SLIT1: variants seen among roughly 807,000 people sequenced by gnomAD.
The protein encoded by SLIT1 is slit homolog 1 protein.
Under a neutral mutation model 186.1 loss-of-function variants are expected in SLIT1, and 66 were observed. The observed-to-expected ratio is 0.35, with a 90% confidence interval of 0.29 to 0.44. The LOEUF is 0.44. Ranked by LOEUF, SLIT1 falls within the 20% of genes least tolerant of loss-of-function variation. SLIT1 has a pLI of 1.00. For missense variants in SLIT1, 1,638 were observed against 2,037.4 expected (o/e 0.80, Z 3.77); for synonymous variants, 761 against 833.8 (o/e 0.91, Z 1.50).
In SLIT1 at chr10:97,021,173, G is replaced by T; in HGVS notation, c.2746+77C>A. ...CCCAGCGGTCACCACAGGGACGCAG[G>T]CATGTTAGGAAGGCCCTGCAGTGTT... On this transcript the variant is annotated intron_variant, in intron 26 of 36. Coordinates refer to ENST00000266058, the MANE Select transcript of SLIT1 (RefSeq NM_003061.3). This position sits in a 1 kb window ranked among gnomAD's most constrained non-coding sequence, Gnocchi z 4.5. 6.9e-7 allele frequency: 1 copy of T among 1,440,808 alleles called. No individual in the cohort carries two copies. Among genetic ancestry groups the T allele is most frequent in the Non-Finnish European group, 9.5e-7 (1 of 1,054,862 alleles). The allele number at this position is 1,440,808 out of a possible 1,614,324, so 89.3% of individuals were successfully genotyped here.
intron 4 of SLIT1, among the ~76,000 whole-genome samples, chr10:97,070,083 G>T (rs956972175): frequency 1.3e-5 from 2 of 152,182 alleles, no homozygotes; most frequent in Non-Finnish European, 1.5e-5. Flanking sequence ...GCCAGCCTGT[G>T]AGCCAGCCAT....
At chr10:97,077,193 A>G (rs1187860627) in intron 4 of SLIT1, among the ~76,000 whole-genome samples, 1 of 152,072 alleles carries the variant, frequency 6.6e-6, no homozygotes, top group Non-Finnish European at 1.5e-5. Context: ...TTTGAGCCTA[A>G]GAGTTCAAGG....
chr10:97,059,959 G>A, intron 10 of SLIT1, 128 bp downstream of exon 10: 1 of 803,022 alleles, frequency 1.2e-6, no homozygotes, highest in Middle Eastern at 3.2e-4. Flanking sequence ...GGGCAGGAAG[G>A]TCAGGTGGCT....
intron 4 of SLIT1, among the ~76,000 whole-genome samples, chr10:97,152,258 GA>G (rs200051608): frequency 4.7e-5 from 7 of 150,422 alleles, no homozygotes; most frequent in East Asian, 3.9e-4. Context: ...AGCCCCTCGA[GA>G]AAAAAAAACA....
chr10:97,041,019 A>G (rs1178463155), intron 20 of SLIT1, among the ~76,000 whole-genome samples: 1 of 152,210 alleles, frequency 6.6e-6, no homozygotes. Context: ...TGGAGCAATG[A>G]GGAAACTAAA....
intron 25 of SLIT1, among the ~76,000 whole-genome samples, chr10:97,024,969 TA>T (rs924980777): frequency 1.3e-5 from 2 of 151,918 alleles, no homozygotes; most frequent in Non-Finnish European, 2.9e-5. Context: ...CTCTCCATCA[TA>T]AAAAAAATAT....
In SLIT1 at chr10:97,048,998, G is replaced by T; in HGVS notation, c.1422C>A (p.Asn474Lys). 1 of 1,612,548 alleles carries T rather than the reference G, an allele frequency of 6.2e-7. No homozygotes were observed. Residue 474 changes from asparagine to lysine, a missense_variant, in exon 14 of 37, where the codon AAC becomes AAA. By Grantham distance (94) the Asn-to-Lys change is moderately conservative. This residue lies in a region of SLIT1 where 1,245 missense variants were observed against 1,535.3 expected (regional missense o/e 0.81). Coordinates refer to ENST00000266058, the MANE Select transcript of SLIT1 (RefSeq NM_003061.3). ...TGCTCTTGATCTGCCCGATGCGCTT[G>T]TTGGCGAGGCGCCGGGGACTGGCAC... is the stretch of plus-strand genomic sequence containing the variant. ...ARCASPRRLA[N>K]KRIGQIKSKK...
intron 13 of SLIT1, 101 bp from the exon 14 acceptor site, chr10:97,049,219 G>C (rs1020994523): frequency 7.2e-7 from 1 of 1,390,830 alleles, no homozygotes; most frequent in Non-Finnish European, 9.7e-7. Context: ...CAAGGAGGCT[G>C]CCTGTGGCCT....
At chr10:97,007,296 A>G (rs1848367199) in intron 31 of SLIT1, among the ~76,000 whole-genome samples, 1 of 152,234 alleles carries the variant, frequency 6.6e-6, no homozygotes, top group African/African-American at 2.4e-5. Flanking sequence ...TATAACTAGT[A>G]AAGGAATTAG....
intron 4 of SLIT1, among the ~76,000 whole-genome samples, chr10:97,150,370 G>T (rs770019887): frequency 6.6e-6 from 1 of 152,148 alleles, no homozygotes; most frequent in Non-Finnish European, 1.5e-5. Flanking sequence ...GGACCAAGAC[G>T]GGAAGGGAAG....
intron 4 of SLIT1, chr10:97,155,115 C>T (rs79592577): frequency 0.13 from 19,789 of 152,328 alleles, 1,758 homozygotes; most frequent in Middle Eastern, 0.2. Context: ...GATGAACATC[C>T]ACTGAGGGCC....
intron 4 of SLIT1, among the ~76,000 whole-genome samples, chr10:97,075,788 G>C (rs571050264): frequency 3.1e-4 from 47 of 152,286 alleles, no homozygotes; most frequent in African/African-American, 9.4e-4. Context: ...AGTGTCTCAG[G>C]TGCACACTGA....
chr10:97,123,693 G>A (rs1229885686), intron 4 of SLIT1, among the ~76,000 whole-genome samples: 2 of 151,906 alleles, frequency 1.3e-5, no homozygotes, highest in Non-Finnish European at 2.9e-5. Flanking sequence ...GAGAGGCTGA[G>A]GCAGGAGAAT....
At chr10:97,157,989 A>G in intron 3 of SLIT1, 100 bp from the exon 4 acceptor site, 1 of 878,160 alleles carries the variant, frequency 1.1e-6, no homozygotes, top group Non-Finnish European at 1.9e-6. Flanking sequence ...AAGGTCCAGT[A>G]TTCAAATCCT....
At chr10:97,151,318 A>C (rs1264276183) in intron 4 of SLIT1, among the ~76,000 whole-genome samples, 1 of 132,356 alleles carries the variant, frequency 7.6e-6, no homozygotes, top group Non-Finnish European at 1.6e-5. Context: ...ATAGAAGGGT[A>C]TCTGGGTTTA....
At chr10:97,070,642 G>A (rs917808664) in intron 4 of SLIT1, among the ~76,000 whole-genome samples, 11 of 152,162 alleles carry the variant, frequency 7.2e-5, no homozygotes, top group Non-Finnish European at 1.0e-4. Context: ...GAAAGAGACC[G>A]CAGAGAGCTG....
intron 9 of SLIT1, 98 bp from the exon 10 acceptor site, chr10:97,060,256 C>T: frequency 1.0e-6 from 1 of 962,246 alleles, no homozygotes; most frequent in Middle Eastern, 2.6e-4. Flanking sequence ...TCCTTTGGCC[C>T]CTCTTGCCCC....
At chr10:97,109,193 C>A (rs112794545) in intron 4 of SLIT1, among the ~76,000 whole-genome samples, 3,078 of 136,040 alleles carry the variant, frequency 0.023, 97 homozygotes, top group African/African-American at 0.076. Context: ...CACCAAAAAG[C>A]AAAAGAAAAA....
chr10:97,057,278 G>A lies in SLIT1; in HGVS notation c.1089C>T (p.Val363=). ...FQGLRSLNSL[V]LYGNKITDLP... is the part of the protein sequence containing the mutation. ...GGTCTGTGATCTTGTTTCCATAGAGGACCCTGGAGAAAAGGCAGCAGAGAG... is the reference window on the plus strand; with the variant it reads ...GGTCTGTGATCTTGTTTCCATAGAGAACCCTGGAGAAAAGGCAGCAGAGAG... The change falls in exon 12 of 37, where the codon GTC becomes GTT. Residue 363 remains valine, a synonymous_variant. Coordinates refer to ENST00000266058, the MANE Select transcript of SLIT1 (RefSeq NM_003061.3). 1 of 1,613,696 alleles carries A rather than the reference G, an allele frequency of 6.2e-7. No homozygotes were observed.
Sources: allele counts gnomAD v4.1 joint callset (sites outside exome capture counted in the v4.1 genomes callset), GRCh38; gene constraint gnomAD v4.1.1; regional missense constraint gnomAD v4.1.1; non-coding constraint Gnocchi (gnomAD v3.1); transcripts MANE v1.5; gene names NCBI Gene and HGNC (gene_info 2026-07-23, HGNC 2026-07-21).